Variants in GPC5 observed in about 807,000 individuals in gnomAD.
GPC5 encodes glypican 5.
Under a neutral mutation model 53.9 loss-of-function variants are expected in GPC5, and 47 were observed. The observed-to-expected ratio is 0.87, with a 90% CI of 0.69 to 1.11. GPC5 has a LOEUF of 1.11. GPC5 is among the 50% of genes most tolerant of loss of function. GPC5 has a pLI of 0.00. For missense variants in GPC5, 748 were observed against 713.1 expected, an observed-to-expected ratio of 1.05 and a Z score of -0.56; for synonymous variants, 286 against 263.3, an observed-to-expected ratio of 1.09 and a Z score of -0.84.
chr13:91,982,023 C>G (rs1239423573), intron 6 of GPC5, among the ~76,000 whole-genome samples: 1 of 152,132 alleles, frequency 6.6e-6, no homozygotes, highest in Non-Finnish European at 1.5e-5. Flanking sequence ...AGGTTCCTCG[C>G]TTGCTGTGGT....
intron 2 of GPC5, among the ~76,000 whole-genome samples, chr13:91,506,911 G>A (rs1884975026): frequency 6.6e-6 from 1 of 151,988 alleles, no homozygotes. Flanking sequence ...AACAAAACAT[G>A]CCAATGCTGA....
At chr13:92,444,859 C>G (rs909039852) in intron 7 of GPC5, among the ~76,000 whole-genome samples, 2 of 151,816 alleles carry the variant, frequency 1.3e-5, no homozygotes, top group Admixed American at 1.3e-4. Flanking sequence ...AAATGGTCAT[C>G]ATAGTCCAGT....
intron 7 of GPC5, among the ~76,000 whole-genome samples, chr13:92,422,552 A>G (rs1594189302): frequency 6.6e-6 from 1 of 151,240 alleles, no homozygotes; most frequent in Non-Finnish European, 1.5e-5. Flanking sequence ...AAAGAAAAGT[A>G]TTCCCCCATT....
At chr13:92,420,624 G>A (rs1876516040) in intron 7 of GPC5, among the ~76,000 whole-genome samples, 1 of 151,236 alleles carries the variant, frequency 6.6e-6, no homozygotes, top group Admixed American at 6.6e-5. Context: ...AAACATCCCT[G>A]CCTCCCTCTC....
At chr13:92,476,489 T>C (rs979824624) in intron 7 of GPC5, among the ~76,000 whole-genome samples, 1 of 151,824 alleles carries the variant, frequency 6.6e-6, no homozygotes, top group Non-Finnish European at 1.5e-5. Flanking sequence ...AGTGTGGCGA[T>C]TCCTCAGTGA....
At chr13:92,090,675 G>A (rs1354336636) in intron 6 of GPC5, among the ~76,000 whole-genome samples, 3 of 152,152 alleles carry the variant, frequency 2.0e-5, no homozygotes, top group African/African-American at 7.2e-5. Context: ...ACAGAGATGA[G>A]CTTTCTCTTC....
intron 2 of GPC5, among the ~76,000 whole-genome samples, chr13:91,517,498 A>T: frequency 6.6e-6 from 1 of 152,194 alleles, no homozygotes; most frequent in Admixed American, 6.5e-5. Flanking sequence ...TCATATCATT[A>T]TCAGCATTTT....
At chr13:91,498,868 G>C (rs1566452920) in intron 2 of GPC5, among the ~76,000 whole-genome samples, 1 of 152,082 alleles carries the variant, frequency 6.6e-6, no homozygotes, top group African/African-American at 2.4e-5. Context: ...CTACTCAGGA[G>C]GCTGAGGCAG....
At chr13:91,465,510 T>C (rs941235897) in intron 2 of GPC5, among the ~76,000 whole-genome samples, 4 of 152,180 alleles carry the variant, frequency 2.6e-5, no homozygotes, top group African/African-American at 9.7e-5. Flanking sequence ...TTTCTTGTGT[T>C]GTGTTGTTGT....
Position 92,370,568 on chromosome 13 carries a change from T to C in GPC5, c.1561+225579T>C, listed in dbSNP as rs150999390. Among the ~76,000 whole-genome samples, 12 of 152,162 alleles carry C rather than the reference T, an allele frequency of 7.9e-5. No homozygotes were observed. In the East Asian group the frequency reaches 2.3e-3, roughly 29 times the overall value. Reference sequence around the variant, plus strand: ...GCTTGTCAATCATCTCTATCTAATATTCTGTTAAATGGAAAAAATATATGA... The same window carrying C: ...GCTTGTCAATCATCTCTATCTAATACTCTGTTAAATGGAAAAAATATATGA... On this transcript the variant is annotated intron_variant, in intron 7 of 7. Transcript: ENST00000377067.
intron 6 of GPC5, among the ~76,000 whole-genome samples, chr13:91,943,330 G>T (rs1245967230): frequency 6.6e-6 from 1 of 151,564 alleles, no homozygotes; most frequent in Non-Finnish European, 1.5e-5. Flanking sequence ...TTTAAGAAAA[G>T]TTTATTGCTT....
chr13:92,142,529 T>C (rs1159202898), intron 6 of GPC5, among the ~76,000 whole-genome samples: 1 of 152,242 alleles, frequency 6.6e-6, no homozygotes, highest in East Asian at 1.9e-4. Context: ...ACAGAATAAA[T>C]GTTTTTTAAG....
chr13:92,819,691 G>A (rs1168827779), intron 7 of GPC5, among the ~76,000 whole-genome samples: 1 of 152,148 alleles, frequency 6.6e-6, no homozygotes, highest in African/African-American at 2.4e-5. Context: ...CCCTGGGGTA[G>A]GTATGTGTTG....
chr13:91,884,628 C>T (rs955176068), intron 5 of GPC5, among the ~76,000 whole-genome samples: 2 of 152,184 alleles, frequency 1.3e-5, no homozygotes, highest in Non-Finnish European at 2.9e-5. Context: ...TTTCTGAGAT[C>T]TCTCTGGCAC....
At chr13:91,443,669 G>T (rs2139076319) in intron 1 of GPC5, among the ~76,000 whole-genome samples, 1 of 152,320 alleles carries the variant, frequency 6.6e-6, no homozygotes, top group Non-Finnish European at 1.5e-5. Flanking sequence ...TTGAGGAAAT[G>T]ATGCTTCAAG....
intron 7 of GPC5, among the ~76,000 whole-genome samples, chr13:92,208,174 A>G (rs940237666): frequency 1.3e-5 from 2 of 152,170 alleles, no homozygotes; most frequent in African/African-American, 2.4e-5. Flanking sequence ...CAAAAGGTCC[A>G]CTTCCTGGTT....
chr13:91,728,005 A>G (rs1006977805), intron 3 of GPC5, among the ~76,000 whole-genome samples: 1 of 152,168 alleles, frequency 6.6e-6, no homozygotes, highest in Non-Finnish European at 1.5e-5. Flanking sequence ...CACCAGACTG[A>G]GAAAGAAGAT....
chr13:91,571,921 T>TACGTGTGTGTG (rs1426983247), intron 2 of GPC5, among the ~76,000 whole-genome samples: 1 of 108,738 alleles, frequency 9.2e-6, no homozygotes, highest in African/African-American at 3.6e-5. Context: ...TATACACATA[T>TACGTGTGTGTG]TGTATATATA....
At chr13:92,495,251 G>A (rs749803398) in intron 7 of GPC5, among the ~76,000 whole-genome samples, 15 of 152,096 alleles carry the variant, frequency 9.9e-5, no homozygotes, top group Non-Finnish European at 1.6e-4. Flanking sequence ...TCTTTTAAAT[G>A]TTCTCTTCAT....
Sources: gnomAD v4.1 joint callset for allele counts (sites outside exome capture counted in the v4.1 genomes callset) on GRCh38, gnomAD v4.1.1 for gene constraint, MANE v1.5 for transcripts, NCBI Gene and HGNC (gene_info 2026-07-23, HGNC 2026-07-21) for gene names.